The following GPLD1 variants were observed in gnomAD, a reference collection of about 807,000 sequenced individuals.
GPLD1 encodes the protein phosphatidylinositol-glycan-specific phospholipase D.
Under a neutral mutation model 112.6 loss-of-function variants are expected in GPLD1, and 84 were observed. That is an observed-to-expected ratio of 0.75 (90% CI 0.63 to 0.89). The LOEUF is 0.89. Ranked by LOEUF, GPLD1 falls within the 40% of genes least tolerant of loss-of-function variation. The probability of loss-of-function intolerance (pLI) is 0.00; values close to 1 mark genes in which losing one functional copy is unlikely to be tolerated. For synonymous variants in GPLD1, 386 were observed against 403.8 expected (o/e 0.96, Z 0.53); for missense variants, 1,044 against 1,051.5 (o/e 0.99, Z 0.10).
In GPLD1 at chr6:24,437,255, G is replaced by T; in HGVS notation, c.2055C>A (p.Thr685=). ...DVSKVAFLTV[T]LHQGGATRMY... The stretch of plus-strand genomic sequence containing the variant: ...TGCGAGTGGCTCCGCCTTGGTGTAG[G>T]GTCACGGTCAGGAATGCCACCTTAG... The change falls in exon 21 of 25, where the codon ACC becomes ACA. Residue 685 remains threonine, a synonymous_variant. Coordinates refer to ENST00000230036, the MANE Select transcript of GPLD1 (RefSeq NM_001503.4). 1 of 1,613,990 alleles carries T rather than the reference G, an allele frequency of 6.2e-7. No homozygotes were observed. The highest frequency in any genetic ancestry group is 1.1e-5 in the South Asian group (1 of 91,062).
exon 1 of GPLD1, chr6:24,495,095 T>G: frequency 7.6e-7 from 1 of 1,317,448 alleles, no homozygotes; most frequent in Non-Finnish European, 9.6e-7. Flanking sequence ...GCCTGGTCCC[T>G]GCCTCCGGGC....
Position 24,470,839 on chromosome 6 carries a change from T to G in GPLD1, c.545+1743A>C, listed in dbSNP as rs1169355554. Among the ~76,000 whole-genome samples, 4 of 152,184 alleles carry G rather than the reference T, an allele frequency of 2.6e-5. No individual in the cohort carries two copies. The East Asian group carries it at 7.7e-4, about 29-fold the overall frequency. On this transcript the variant is annotated intron_variant, in intron 7 of 24. Transcript: ENST00000230036. ...ATCTCGAACTCCTGACCTCAGGTGA[T>G]TCACCTGCCTCACCCTCCCAAAGTG...
chr6:24,467,895 T>C (rs1338176453), intron 7 of GPLD1, among the ~76,000 whole-genome samples: 1 of 151,634 alleles, frequency 6.6e-6, no homozygotes, highest in Admixed American at 6.6e-5. Flanking sequence ...TGTGGTTGTT[T>C]TTGTTTTCTG....
rs568216042 is a variant in GPLD1, at chr6:24,465,523, G to T, written c.821+1157C>A. On this transcript the variant is annotated intron_variant, in intron 10 of 24. Transcript: ENST00000230036. ...CCACTGCCCTCCAGCCTGGGTGACA[G>T]AACAAGACCCCATCTCAAAAACAAA... is the stretch of plus-strand genomic sequence containing the variant. Among the ~76,000 whole-genome samples the T allele has an allele frequency of 2.0e-5, 3 of 151,872 alleles. No individual in the cohort carries two copies. In the South Asian group the frequency reaches 6.3e-4, roughly 32 times the overall value.
chr6:24,462,799 A>C lies in GPLD1; in HGVS notation c.822-4T>G, dbSNP rs773999516. On this transcript the variant is annotated splice_polypyrimidine_tract_variant and splice_region_variant and intron_variant, in intron 10 of 24. Coordinates refer to ENST00000230036, the MANE Select transcript of GPLD1 (RefSeq NM_001503.4). ...GTTCTCAGGCAGGTTGCAGTCACTGAGGAAACAGTCAAATGAGTTAGCCAT... is the reference window on the plus strand; with the variant it reads ...GTTCTCAGGCAGGTTGCAGTCACTGCGGAAACAGTCAAATGAGTTAGCCAT... 6 of 1,606,518 alleles carry C rather than the reference A, an allele frequency of 3.7e-6. No homozygotes were observed. In the South Asian group the frequency reaches 6.6e-5, roughly 18 times the overall value.
intron 7 of GPLD1, among the ~76,000 whole-genome samples, chr6:24,470,508 T>C (rs1763765678): frequency 6.6e-6 from 1 of 152,252 alleles, no homozygotes; most frequent in Admixed American, 6.5e-5. Flanking sequence ...TAATAATCAG[T>C]AGATAAACCT....
At chr6:24,443,944 G>A (rs1046502210) in intron 20 of GPLD1, among the ~76,000 whole-genome samples, 2 of 152,102 alleles carry the variant, frequency 1.3e-5, no homozygotes, top group Non-Finnish European at 2.9e-5. Context: ...AAAGTGCCAG[G>A]ATTACAGGCG....
chr6:24,449,836 GGTCAGGCACGCC>G lies in GPLD1; in HGVS notation c.1387_1398del (p.Gly463_Asp466del), dbSNP rs1763022329. On this transcript the variant is annotated inframe_deletion, in exon 15 of 25. Transcript: ENST00000230036. The stretch of plus-strand genomic sequence containing the variant: ...CCCACCGAGGGAGCTCCCACGGCCA[GGTCAGGCACGCC>G]GTCCACGTTAAAGTCCAACACAGCC... The G allele has an allele frequency of 2.5e-6, 4 of 1,613,828 alleles. No individual in the cohort carries two copies. The highest frequency in any genetic ancestry group is 1.7e-5 in the Admixed American group (1 of 59,980).
chr6:24,445,238 G>A (rs192434792), intron 20 of GPLD1, among the ~76,000 whole-genome samples: 36 of 152,086 alleles, frequency 2.4e-4, no homozygotes, highest in African/African-American at 8.7e-4. Context: ...ATGTTGCCAG[G>A]CTGGTCTCCA....
intron 11 of GPLD1, 80 bp from the exon 12 acceptor site, chr6:24,460,479 A>T (rs2744576): frequency 0.45 from 651,699 of 1,456,456 alleles, 148,078 homozygotes; most frequent in Middle Eastern, 0.49. Context: ...AATATAGTCA[A>T]GTTAATCACA....
At chr6:24,460,762 C>T (rs547846472) in intron 11 of GPLD1, among the ~76,000 whole-genome samples, 2 of 138,244 alleles carry the variant, frequency 1.4e-5, no homozygotes, top group South Asian at 4.5e-4. Context: ...TTTTTTGAGA[C>T]GGAGTCTTGC....
At position 24,447,372 on chromosome 6, in the gene GPLD1, G is replaced by A. The variant is rs534816441; in HGVS notation, c.1679-393C>T. 1.2e-4 allele frequency among the ~76,000 whole-genome samples: 18 copies of A among 152,158 alleles called. No homozygotes were observed. The East Asian group carries it at 3.5e-3, about 29-fold the overall frequency. ...AATACAAAAATTAGCCGGGCATGGTGGCATGCGCCTGTAGTCCCCACCTGT... is the reference window on the plus strand; with the variant it reads ...AATACAAAAATTAGCCGGGCATGGTAGCATGCGCCTGTAGTCCCCACCTGT... On this transcript the variant is annotated intron_variant, in intron 17 of 24. Coordinates refer to ENST00000230036, the MANE Select transcript of GPLD1 (RefSeq NM_001503.4).
intron 4 of GPLD1, among the ~76,000 whole-genome samples, 186 bp downstream of exon 4, chr6:24,475,995 A>G (rs1188948299): frequency 6.6e-6 from 1 of 152,206 alleles, no homozygotes; most frequent in Non-Finnish European, 1.5e-5. Context: ...ATGTATCCCA[A>G]ACCGTGTTTA....
chr6:24,433,200 C>G lies in GPLD1; in HGVS notation c.2423G>C (p.Arg808Thr). 1.2e-6 allele frequency: 2 copies of G among 1,612,386 alleles called. No individual in the cohort carries two copies. The highest frequency in any genetic ancestry group is 4.5e-5 in the East Asian group (2 of 44,874). ...CCTTGGGCTCACCTTTGCCTTGGAC[C>G]TCACGGTGATGAGGGAGCTCCCAAA... Reference protein sequence around the residue: ...SRFGSSLITVRSKAKNQVVIA... With the variant: ...SRFGSSLITVTSKAKNQVVIA... Residue 808 changes from arginine to threonine, a missense_variant, in exon 24 of 25, where the codon AGG becomes ACG. By Grantham distance (71) the Arg-to-Thr change is moderately conservative (BLOSUM62 -1). Coordinates refer to ENST00000230036, the MANE Select transcript of GPLD1 (RefSeq NM_001503.4).
intron 22 of GPLD1, 126 bp downstream of exon 22, chr6:24,436,450 A>G (rs1762580404): frequency 4.0e-6 from 3 of 754,020 alleles, no homozygotes; most frequent in Non-Finnish European, 6.6e-6. Flanking sequence ...ACATGGACAG[A>G]TGATGGTGTC....
At chr6:24,467,561 A>T (rs1763659511) in intron 7 of GPLD1, among the ~76,000 whole-genome samples, 1 of 152,234 alleles carries the variant, frequency 6.6e-6, no homozygotes, top group East Asian at 1.9e-4. Flanking sequence ...ATGTAGGTAT[A>T]CTCAGATTGG....
chr6:24,446,614 C>A (rs1164566104), intron 18 of GPLD1, among the ~76,000 whole-genome samples: 1 of 152,196 alleles, frequency 6.6e-6, no homozygotes, highest in Non-Finnish European at 1.5e-5. Flanking sequence ...CAACCTTGAT[C>A]TTGGACGTCT....
At position 24,447,907 on chromosome 6, in the gene GPLD1, A is replaced by G. The variant is rs1388193319; in HGVS notation, c.1648T>C (p.Phe550Leu). The G allele has an allele frequency of 6.2e-7, 1 of 1,613,988 alleles. No individual in the cohort carries two copies. The highest frequency in any genetic ancestry group is 1.7e-5 in the Admixed American group (1 of 59,996). ...TCGCTCAGGCTGGGGCCAGAATAAA[A>G]CGCAGCCACAATTCCCTTCTGCTTC... ...GGKQKGIVAA[F>L]YSGPSLSDKE... The change falls in exon 17 of 25, where the codon TTT becomes CTT. Residue 550 changes from phenylalanine (F) to leucine (L), a missense_variant. Physicochemically the swap from Phe to Leu is conservative, Grantham distance 22 (BLOSUM62 0). Transcript: ENST00000230036.
chr6:24,431,773 G>A (rs1046233129), intron 24 of GPLD1, among the ~76,000 whole-genome samples: 3 of 151,894 alleles, frequency 2.0e-5, no homozygotes, highest in South Asian at 2.1e-4. Flanking sequence ...GACCTCAGGC[G>A]ATCCACCAAC....
Sources: gnomAD v4.1 joint callset for allele counts (sites outside exome capture counted in the v4.1 genomes callset) on GRCh38, gnomAD v4.1.1 for gene constraint, MANE v1.5 for transcripts, NCBI Gene and HGNC (gene_info 2026-07-23, HGNC 2026-07-21) for gene names.